ZNF222: variants seen among roughly 807,000 people sequenced by gnomAD.
The protein encoded by ZNF222 is zinc finger protein 222.
In ZNF222, 8 loss-of-function variants were observed where a neutral mutation model predicts 11.6. The ratio of observed to expected loss-of-function variants is 0.69; its 90% CI spans 0.41 to 1.25. ZNF222 has a LOEUF of 1.25. Ranked by LOEUF, ZNF222 falls within the 50% of genes most tolerant of loss-of-function variation. The pLI is 0.01. For synonymous variants in ZNF222, 171 were observed against 195.6 expected, an observed-to-expected ratio of 0.87 and a Z score of 1.05; for missense variants, 483 against 576.1, an observed-to-expected ratio of 0.84 and a Z score of 1.65.
intron 3 of ZNF222, among the ~76,000 whole-genome samples, chr19:44,030,610 C>G (rs1271657421): frequency 6.6e-6 from 1 of 152,150 alleles, no homozygotes; most frequent in Non-Finnish European, 1.5e-5. Context: ...AGGGAAGTAC[C>G]AAATCCTTAT....
rs1351169514 is a variant in ZNF222, at chr19:44,027,406, C to A, written c.178C>A (p.Pro60Thr). 5.6e-6 allele frequency: 9 copies of A among 1,614,070 alleles called. No individual in the cohort carries two copies. The Middle Eastern group carries it at 4.9e-4, about 89-fold the overall frequency. The change falls in exon 3 of 4, where the codon CCA (proline) becomes ACA (threonine). Residue 60 changes from proline (P) to threonine (T), a missense_variant. Physicochemically the swap from Pro to Thr is conservative, Grantham distance 38. Transcript: ENST00000391960. ...ACTTTGCCTGTTCACAGGGCATCAA[C>A]CATTCCATGGAGATACTTTCCACTT... ...FRNLLSVGHQPFHGDTFHFLR... is the reference protein window; with the variant it reads ...FRNLLSVGHQTFHGDTFHFLR...
intron 3 of ZNF222, 73 bp from the exon 4 acceptor site, chr19:44,031,744 G>A (rs976141069): frequency 4.1e-5 from 62 of 1,528,278 alleles, no homozygotes; most frequent in Non-Finnish European, 5.1e-5. Context: ...GCCTCCCAAA[G>A]TGCTGGGATT....
At chr19:44,030,412 A>G (rs1976478069) in intron 3 of ZNF222, among the ~76,000 whole-genome samples, 1 of 152,262 alleles carries the variant, frequency 6.6e-6, no homozygotes, top group South Asian at 2.1e-4. Flanking sequence ...GACGTTTTAC[A>G]GAGGACTGCT....
rs531639313 is a variant in ZNF222 at position 44,025,998 on chromosome 19, G to T, written c.42+520G>T. 1 of 1,600,428 alleles carries T rather than the reference G, an allele frequency of 6.2e-7. No individual in the cohort carries two copies. Among genetic ancestry groups the T allele is most frequent in the East Asian group, 2.2e-5 (1 of 44,576 alleles). On this transcript the variant is annotated intron_variant, in intron 1 of 3. Coordinates refer to ENST00000391960, the MANE Select transcript of ZNF222 (RefSeq NM_001129996.2). The surrounding 1 kb of genome is among the most constrained non-coding windows in gnomAD (Gnocchi z 4.6). ...TTATGGGGGACGGCAAAACGGTCAGGGTGTTTCACAGCTTTCTTTTTCCCC... is the reference window on the plus strand; with the variant it reads ...TTATGGGGGACGGCAAAACGGTCAGTGTGTTTCACAGCTTTCTTTTTCCCC...
chr19:44,033,050 T>C lies in ZNF222; in HGVS notation c.*20T>C, dbSNP rs1462018600. The C allele has an allele frequency of 1.4e-6, 2 of 1,475,222 alleles. No homozygotes were observed. Among genetic ancestry groups the C allele is most frequent in the Non-Finnish European group, 1.8e-6 (2 of 1,112,912 alleles). 91.4% of individuals were successfully genotyped at this position (1,475,222 alleles called of 1,614,324 possible). ...ATATAAGTTATACATATTTATGGAG[T>C]GTGAAATTTGATACATGTATATAAT... On this transcript the variant is annotated 3_prime_UTR_variant, in exon 4 of 4. Coordinates refer to ENST00000391960, the MANE Select transcript of ZNF222 (RefSeq NM_001129996.2).
rs780072721 is a variant in ZNF222 at position 44,027,060 on chromosome 19, C to T, written c.80C>T (p.Thr27Ile). ...VTFKDVAVIF[T>I]EEELGLLDPA... ...TTCAAGGATGTGGCTGTGATCTTCA[C>T]TGAGGAGGAGCTGGGGCTGCTGGAC... The change falls in exon 2 of 4, where the codon ACT becomes ATT. Residue 27 changes from threonine to isoleucine, a missense_variant. Transcript: ENST00000391960. 12 of 1,614,090 alleles carry T rather than the reference C, an allele frequency of 7.4e-6. No homozygotes were observed. In the Middle Eastern group the frequency reaches 6.6e-4, roughly 89 times the overall value.
intron 1 of ZNF222, chr19:44,026,092 T>TG (rs762765112): frequency 1.9e-6 from 3 of 1,613,446 alleles, no homozygotes; most frequent in Middle Eastern, 3.3e-4. Context: ...TCTACGTGAG[T>TG]GATCCTTGGC....
intron 3 of ZNF222, among the ~76,000 whole-genome samples, chr19:44,029,898 C>T (rs1468667982): frequency 1.3e-5 from 2 of 152,292 alleles, no homozygotes; most frequent in East Asian, 3.8e-4. Context: ...CACGGACAAA[C>T]ATTTTTCATG....
rs1210504275 is a variant in ZNF222, at chr19:44,027,429, C to T, written c.201C>T (p.His67=). ...AACCATTCCATGGAGATACTTTCCA[C>T]TTCCTAAGGGAAGAAAAGTTTTGGG... ...GHQPFHGDTF[H]FLREEKFWVM... Residue 67 remains histidine (H), a synonymous_variant, in exon 3 of 4, where the codon CAC becomes CAT. Coordinates refer to ENST00000391960, the MANE Select transcript of ZNF222 (RefSeq NM_001129996.2). 32 of 1,614,164 alleles carry T rather than the reference C, an allele frequency of 2.0e-5. No homozygotes were observed. Among genetic ancestry groups the T allele is most frequent in the Non-Finnish European group, 2.7e-5 (32 of 1,180,020 alleles).
In ZNF222 at chr19:44,032,121, G is replaced by A. The variant is rs1976514829; in HGVS notation, c.567G>A (p.Glu189=). 1.9e-6 allele frequency: 3 copies of A among 1,614,224 alleles called. No homozygotes were observed. Among genetic ancestry groups the A allele is most frequent in the African/African-American group, 1.3e-5 (1 of 75,048 alleles). ...GAGAGAAGTCTCATACCTGTGATGA[G>A]TGTGGAAAAAGCTTCTGTTACATCT... ...YSGEKSHTCD[E]CGKSFCYISA... is the part of the protein sequence containing the mutation. Residue 189 remains glutamate, a synonymous_variant, in exon 4 of 4, where the codon GAG becomes GAA. Coordinates refer to ENST00000391960, the MANE Select transcript of ZNF222 (RefSeq NM_001129996.2).
At chr19:44,030,410 A>G (rs1790670566) in intron 3 of ZNF222, among the ~76,000 whole-genome samples, 1 of 152,352 alleles carries the variant, frequency 6.6e-6, no homozygotes, top group Middle Eastern at 3.4e-3. Context: ...GGGACGTTTT[A>G]CAGAGGACTG....
chr19:44,029,198 T>G (rs939464371), intron 3 of ZNF222, among the ~76,000 whole-genome samples: 15 of 145,642 alleles, frequency 1.0e-4, no homozygotes, highest in Non-Finnish European at 1.7e-4. Context: ...TTTGTTTTTT[T>G]TTTTTTTTTT....
In ZNF222 at chr19:44,032,137, T is replaced by C; in HGVS notation, c.583T>C (p.Cys195Arg). ...HTCDECGKSF[C>R]YISALHIHQR... ...CTGTGATGAGTGTGGAAAAAGCTTC[T>C]GTTACATCTCAGCCCTTCATATTCA... Residue 195 changes from cysteine to arginine, a missense_variant, in exon 4 of 4, where the codon TGT becomes CGT. Physicochemically the swap from Cys to Arg is radical, Grantham distance 180. Coordinates refer to ENST00000391960, the MANE Select transcript of ZNF222 (RefSeq NM_001129996.2). The C allele has an allele frequency of 6.2e-7, 1 of 1,614,244 alleles. No homozygotes were observed. Among genetic ancestry groups the C allele is most frequent in the East Asian group, 2.2e-5 (1 of 44,884 alleles).
At position 44,032,201 on chromosome 19, in the gene ZNF222, ATG is replaced by A. The variant is rs768742808; in HGVS notation, c.654_655del (p.Cys218TrpfsTer2). On this transcript the variant is annotated frameshift_variant, in exon 4 of 4. Transcript: ENST00000391960. LOFTEE classifies it low-confidence loss of function (END_TRUNC). ...ATGGGAGTGAAATGCTATAAGTGTG[ATG>A]TGTGTGGTAAGGAATTTAGTCAGAG... 382 of 1,614,242 alleles carry A rather than the reference ATG, an allele frequency of 2.4e-4. 1 individual carries two copies. The Middle Eastern group carries it at 3.1e-3, about 13-fold the overall frequency.
chr19:44,028,180 C>A (rs561731152), intron 3 of ZNF222: 17 of 399,230 alleles, frequency 4.3e-5, no homozygotes, highest in African/African-American at 3.3e-4. Context: ...TGCCACTCTT[C>A]TTATGCCTTC....
intron 3 of ZNF222, among the ~76,000 whole-genome samples, chr19:44,029,133 C>A (rs1336662189): frequency 3.3e-5 from 5 of 150,912 alleles, no homozygotes; most frequent in Non-Finnish European, 5.9e-5. Flanking sequence ...GTATGCTGAA[C>A]CCACAGATAT....
In ZNF222 at chr19:44,027,563, T is replaced by A. The variant is rs993977411; in HGVS notation, c.262+73T>A. The A allele has an allele frequency of 4.2e-6, 6 of 1,436,126 alleles. No individual in the cohort carries two copies. The South Asian group carries it at 7.0e-5, about 17-fold the overall frequency. The allele number at this position is 1,436,126 out of a possible 1,614,324, so 89.0% of individuals were successfully genotyped here. A position where few individuals can be genotyped will look rare whatever the true frequency, so the allele number is the denominator to read the frequency against. On this transcript the variant is annotated intron_variant, in intron 3 of 3. Transcript: ENST00000391960. ...CTGTCCATGCCCATTTCCAGCATTTTGGGGTAAATGGCCAAACCTGTTTCC... is the reference window on the plus strand; with the variant it reads ...CTGTCCATGCCCATTTCCAGCATTTAGGGGTAAATGGCCAAACCTGTTTCC...
intron 3 of ZNF222, chr19:44,028,413 C>T: frequency 2.5e-6 from 1 of 394,650 alleles, no homozygotes; most frequent in Non-Finnish European, 4.5e-6. Flanking sequence ...CCTCCGAGCC[C>T]TCACTTGCTC....
intron 3 of ZNF222, chr19:44,028,427 T>TCTCTGATTGGAATACACTGTCCCC: frequency 2.5e-6 from 1 of 393,666 alleles, no homozygotes; most frequent in Non-Finnish European, 4.5e-6. Context: ...CTTGCTCTTC[T>TCTCTGATTGGAATACACTGTCCCC]CTCTGATTGG....
Sources: gnomAD v4.1 joint callset for allele counts (sites outside exome capture counted in the v4.1 genomes callset) on GRCh38, gnomAD v4.1.1 for gene constraint, Gnocchi (gnomAD v3.1) non-coding constraint, MANE v1.5 for transcripts, NCBI Gene and HGNC (gene_info 2026-07-23, HGNC 2026-07-21) for gene names.